KLF12: variants seen among roughly 807,000 people sequenced by gnomAD.
KLF12 encodes the protein Krueppel-like factor 12.
A neutral mutation model predicts 37.8 loss-of-function variants in KLF12; 9 were observed. The ratio of observed to expected loss-of-function variants is 0.24; its 90% CI spans 0.14 to 0.42. The LOEUF (loss-of-function observed/expected upper bound fraction) is 0.42. KLF12 is among the 10% of genes least tolerant of loss of function. The pLI is 1.00. For missense variants in KLF12, 411 were observed against 516.0 expected (o/e 0.80, Z 1.97); for synonymous variants, 208 against 202.1 (o/e 1.03, Z -0.25).
At chr13:73,942,892 A>C (rs569500926) in intron 3 of KLF12, among the ~76,000 whole-genome samples, 1 of 152,330 alleles carries the variant, frequency 6.6e-6, no homozygotes, top group Non-Finnish European at 1.5e-5. Flanking sequence ...GAGATGCCAC[A>C]CAGCCTGCTA....
At position 73,889,448 on chromosome 13, in the gene KLF12, C is replaced by T. The variant is rs200561545; in HGVS notation, c.124-43075G>A. Among the ~76,000 whole-genome samples, 9 of 152,196 alleles carry T rather than the reference C, an allele frequency of 5.9e-5. No individual in the cohort carries two copies. The East Asian group carries it at 9.7e-4, about 16-fold the overall frequency. On this transcript the variant is annotated intron_variant, in intron 3 of 7. Transcript: ENST00000377669. The stretch of plus-strand genomic sequence containing the variant: ...AATGTCTACAATGTGGGAATTATTA[C>T]GCTCACTTTGCACATCAAGAAATGG...
At chr13:73,930,850 A>G (rs958995112) in intron 3 of KLF12, among the ~76,000 whole-genome samples, 1 of 148,626 alleles carries the variant, frequency 6.7e-6, no homozygotes, top group African/African-American at 2.5e-5. Flanking sequence ...CTATGTGAAT[A>G]ACTGGAAACA....
intron 6 of KLF12, among the ~76,000 whole-genome samples, chr13:73,747,932 C>G (rs962470286): frequency 6.6e-6 from 1 of 152,144 alleles, no homozygotes; most frequent in Non-Finnish European, 1.5e-5. Flanking sequence ...AAAATGGTAT[C>G]TATGAACTGT....
At chr13:74,095,558 T>C (rs909947015) in intron 1 of KLF12, among the ~76,000 whole-genome samples, 5 of 151,706 alleles carry the variant, frequency 3.3e-5, no homozygotes, top group African/African-American at 4.8e-5. Context: ...CCAGCTTATT[T>C]TGTGTGTGTA....
upstream of KLF12, among the ~76,000 whole-genome samples, chr13:74,134,402 T>C (rs570395400): frequency 6.1e-3 from 917 of 151,480 alleles, 15 homozygotes; most frequent in Middle Eastern, 7.0e-3. Context: ...GGGCTCTGAG[T>C]GTGATGGTTG....
chr13:74,305,981 G>C, the KLF12 span, among the ~76,000 whole-genome samples: 9 of 152,036 alleles, frequency 5.9e-5, no homozygotes, highest in Non-Finnish European at 1.0e-4. Flanking sequence ...AGAAAGATTT[G>C]ATCCAAAAAC....
the KLF12 span, among the ~76,000 whole-genome samples, chr13:74,228,881 A>AG: frequency 2.6e-5 from 4 of 152,168 alleles, no homozygotes; most frequent in African/African-American, 9.6e-5. Flanking sequence ...AAATTGAAAA[A>AG]AAAAACACAC....
chr13:74,059,455 C>A (rs1480690337), intron 1 of KLF12, among the ~76,000 whole-genome samples: 1 of 152,274 alleles, frequency 6.6e-6, no homozygotes, highest in African/African-American at 2.4e-5. Context: ...TGTTTCTTGA[C>A]TTTTTAATAA....
chr13:74,287,520 A>G, the KLF12 span, among the ~76,000 whole-genome samples: 1 of 152,188 alleles, frequency 6.6e-6, no homozygotes, highest in African/African-American at 2.4e-5. Context: ...AAATTATGCT[A>G]TACTTGCTTA....
chr13:74,001,589 T>C (rs968626574), intron 1 of KLF12, among the ~76,000 whole-genome samples: 11 of 152,240 alleles, frequency 7.2e-5, no homozygotes, highest in Admixed American at 5.9e-4. Flanking sequence ...TCCTATTAAT[T>C]GTTGCCTGTA....
the KLF12 span, among the ~76,000 whole-genome samples, chr13:74,249,212 A>G: frequency 6.6e-6 from 1 of 152,062 alleles, no homozygotes; most frequent in Non-Finnish European, 1.5e-5. Context: ...AAAAAAAGCT[A>G]CAAAGATCAA....
intron 1 of KLF12, among the ~76,000 whole-genome samples, chr13:74,067,063 C>T (rs1331168266): frequency 6.6e-6 from 1 of 152,110 alleles, no homozygotes; most frequent in African/African-American, 2.4e-5. Context: ...AATTAAAGCC[C>T]TCCTACCAAG....
the KLF12 span, among the ~76,000 whole-genome samples, chr13:74,254,543 A>G: frequency 6.6e-6 from 1 of 152,220 alleles, no homozygotes; most frequent in Non-Finnish European, 1.5e-5. Context: ...GAAATATAGC[A>G]AAGCTGGGTT....
At position 73,920,008 on chromosome 13, in the gene KLF12, G is replaced by A. The variant is rs75581609; in HGVS notation, c.123+23973C>T. ...CATTCCACTGAGAGAATTTGCTGTC[G>A]GGACATCCACTCCCTCTCCGTTCGG... On this transcript the variant is annotated intron_variant, in intron 3 of 7. Coordinates refer to ENST00000377669, the MANE Select transcript of KLF12 (RefSeq NM_007249.5). Among the ~76,000 whole-genome samples, 573 of 152,162 alleles carry A rather than the reference G, an allele frequency of 3.8e-3. 5 individuals carry two copies. Among genetic ancestry groups the A allele is most frequent in the African/African-American group, 0.013 (535 of 41,516 alleles).
chr13:74,143,901 T>C, the KLF12 span, among the ~76,000 whole-genome samples: 1 of 152,172 alleles, frequency 6.6e-6, no homozygotes, highest in Non-Finnish European at 1.5e-5. Context: ...CTGAGCAAGT[T>C]TAAGGTAGGG....
chr13:74,239,890 T>C, the KLF12 span, among the ~76,000 whole-genome samples: 1 of 151,710 alleles, frequency 6.6e-6, no homozygotes, highest in Non-Finnish European at 1.5e-5. Context: ...GTCTTGACTC[T>C]TTATCCAATT....
chr13:73,703,168 T>C (rs1874679343), intron 7 of KLF12, among the ~76,000 whole-genome samples: 1 of 152,154 alleles, frequency 6.6e-6, no homozygotes, highest in Non-Finnish European at 1.5e-5. Flanking sequence ...TGCAGCACTG[T>C]TGGGAAACTC....
intron 1 of KLF12, among the ~76,000 whole-genome samples, chr13:74,102,227 A>G (rs1876393138): frequency 8.7e-6 from 1 of 115,198 alleles, no homozygotes; most frequent in South Asian, 2.7e-4. Flanking sequence ...CAAAAAAAAG[A>G]AAAAAAAAAA....
At chr13:74,130,612 G>A (rs373005946) in intron 1 of KLF12, among the ~76,000 whole-genome samples, 104 of 149,116 alleles carry the variant, frequency 7.0e-4, no homozygotes, top group Non-Finnish European at 1.2e-3. Context: ...TGCCACTGCA[G>A]TCCCGCCTGG....
Sources: gnomAD v4.1 joint callset for allele counts (sites outside exome capture counted in the v4.1 genomes callset) on GRCh38, gnomAD v4.1.1 for gene constraint, MANE v1.5 for transcripts, NCBI Gene and HGNC (gene_info 2026-07-23, HGNC 2026-07-21) for gene names.